LDLRAD3: variants seen among roughly 807,000 people sequenced by gnomAD.
LDLRAD3 encodes the protein low-density lipoprotein receptor class A domain-containing protein 3.
LDLRAD3 carries 20 observed loss-of-function variants against 29.4 expected under a neutral mutation model. The observed-to-expected ratio is 0.68, with a 90% CI of 0.48 to 0.99. The LOEUF is 0.99. LDLRAD3 is among the 50% of genes least tolerant of loss of function. The pLI is 0.00. For missense variants in LDLRAD3, 420 were observed against 454.3 expected, an observed-to-expected ratio of 0.92 and a Z score of 0.69; for synonymous variants, 157 against 192.7, an observed-to-expected ratio of 0.81 and a Z score of 1.53.
rs547806462 is a variant in LDLRAD3 at position 36,017,001 on chromosome 11, A to G, written c.47-19102A>G. 2.6e-5 allele frequency among the ~76,000 whole-genome samples: 4 copies of G among 152,378 alleles called. No homozygotes were observed. The East Asian group carries it at 7.7e-4, about 29-fold the overall frequency. On this transcript the variant is annotated intron_variant, in intron 1 of 5. Transcript: ENST00000315571. ...CTCAACATAAGCTTCATCAAGTTCA[A>G]GGCACTTTGGTAAGCGATGATACCA... is the stretch of plus-strand genomic sequence containing the variant.
chr11:36,055,501 G>A (rs1852605142), intron 2 of LDLRAD3, among the ~76,000 whole-genome samples: 1 of 152,172 alleles, frequency 6.6e-6, no homozygotes, highest in African/African-American at 2.4e-5. Flanking sequence ...CAGCCTCACT[G>A]GCTTCTCCAT....
chr11:36,128,852 G>GAA (rs11347605), intron 4 of LDLRAD3, among the ~76,000 whole-genome samples: 2 of 139,570 alleles, frequency 1.4e-5, no homozygotes, highest in African/African-American at 5.4e-5. Context: ...GTGTCTCAAG[G>GAA]AAAAAAAAAA....
chr11:36,088,041 G>A (rs1006151100), intron 3 of LDLRAD3, among the ~76,000 whole-genome samples: 1 of 151,858 alleles, frequency 6.6e-6, no homozygotes, highest in African/African-American at 2.4e-5. Flanking sequence ...AAAAGGTAGA[G>A]ATGGGGTTTT....
chr11:35,973,165 TGTTTTG>T (rs1193236046), intron 1 of LDLRAD3, among the ~76,000 whole-genome samples: 1 of 151,884 alleles, frequency 6.6e-6, no homozygotes, highest in Non-Finnish European at 1.5e-5. Flanking sequence ...TGTTTTGTTT[TGTTTTG>T]TTTTTTTTGA....
chr11:36,116,321 C>A (rs58583042), intron 4 of LDLRAD3, among the ~76,000 whole-genome samples: 2 of 152,166 alleles, frequency 1.3e-5, no homozygotes, highest in Non-Finnish European at 2.9e-5. Context: ...AAGAAGCCAG[C>A]GTCCCAGCTT....
At chr11:36,012,145 C>A (rs1203101003) in intron 1 of LDLRAD3, among the ~76,000 whole-genome samples, 4 of 152,122 alleles carry the variant, frequency 2.6e-5, no homozygotes, top group African/African-American at 7.2e-5. Flanking sequence ...CATTTCAAGA[C>A]CCCCAGTGGA....
chr11:36,075,929 A>G (rs1371685633), intron 2 of LDLRAD3, among the ~76,000 whole-genome samples: 1 of 152,166 alleles, frequency 6.6e-6, no homozygotes, highest in Non-Finnish European at 1.5e-5. Flanking sequence ...ACATGCCCCC[A>G]TGATATTTGG....
chr11:36,063,425 T>C (rs1852736991), intron 2 of LDLRAD3, among the ~76,000 whole-genome samples: 1 of 152,200 alleles, frequency 6.6e-6, no homozygotes, highest in African/African-American at 2.4e-5. Context: ...TTCCCTCTCT[T>C]AGTCCCTGGG....
chr11:36,051,221 T>C (rs575282429), intron 2 of LDLRAD3, among the ~76,000 whole-genome samples: 1 of 152,036 alleles, frequency 6.6e-6, no homozygotes, highest in South Asian at 2.1e-4. Flanking sequence ...CTATGGCTGG[T>C]GGGAAGGGAG....
intron 1 of LDLRAD3, among the ~76,000 whole-genome samples, chr11:35,952,481 A>G (rs950267782): frequency 1.2e-4 from 18 of 152,334 alleles, no homozygotes; most frequent in African/African-American, 3.8e-4. Context: ...CTGTTCTCCT[A>G]TGTGGAGAAC....
intron 2 of LDLRAD3, among the ~76,000 whole-genome samples, chr11:36,056,346 A>G (rs184761547): frequency 3.9e-5 from 6 of 152,224 alleles, no homozygotes; most frequent in East Asian, 3.9e-4. Flanking sequence ...ACTGTGCCCA[A>G]TGCTCTGCAT....
rs1853468303 is a variant in LDLRAD3 at position 36,102,715 on chromosome 11, C to T, written c.454+4254C>T. Reference sequence around the variant, plus strand: ...CATTGATTGGCAACATAACCCATTTCCAAGAAATAAAGTAATAGCTGTGGA... The same window carrying T: ...CATTGATTGGCAACATAACCCATTTTCAAGAAATAAAGTAATAGCTGTGGA... On this transcript the variant is annotated intron_variant, in intron 4 of 5. Coordinates refer to ENST00000315571, the MANE Select transcript of LDLRAD3 (RefSeq NM_174902.4). Among the ~76,000 whole-genome samples, 2 of 152,118 alleles carry T rather than the reference C, an allele frequency of 1.3e-5. 1 individual carries two copies. Among genetic ancestry groups the T allele is most frequent in the Admixed American group, 1.3e-4 (2 of 15,274 alleles).
intron 1 of LDLRAD3, among the ~76,000 whole-genome samples, chr11:35,985,868 C>G (rs1225357247): frequency 6.6e-6 from 1 of 151,382 alleles, no homozygotes; most frequent in African/African-American, 2.4e-5. Context: ...AATAAATTAC[C>G]CAGTCTCGGG....
chr11:36,132,278 G>C (rs963280404), intron 4 of LDLRAD3, among the ~76,000 whole-genome samples: 1 of 152,170 alleles, frequency 6.6e-6, no homozygotes, highest in African/African-American at 2.4e-5. Flanking sequence ...CAAGTCCACT[G>C]TCTCTTGTTG....
Position 36,227,255 on chromosome 11 carries a change from C to G in LDLRAD3, c.625C>G (p.His209Asp). The change falls in exon 5 of 6, where the codon CAC becomes GAC. Residue 209 changes from histidine (H) to aspartate (D), a missense_variant. Transcript: ENST00000315571. Reference protein sequence around the residue: ...KRNNLMTLPVHRLQHPVLLSR... With the variant: ...KRNNLMTLPVDRLQHPVLLSR... ...GAACAACCTCATGACGCTGCCCGTG[C>G]ACCGGCTGCAGCACCCTGTGCTGCT... The G allele has an allele frequency of 6.2e-7, 1 of 1,614,138 alleles. No individual in the cohort carries two copies. The highest frequency in any genetic ancestry group is 8.5e-7 in the Non-Finnish European group (1 of 1,180,022).
At chr11:35,984,649 G>GTC (rs1851585222) in intron 1 of LDLRAD3, among the ~76,000 whole-genome samples, 2 of 152,148 alleles carry the variant, frequency 1.3e-5, no homozygotes, top group African/African-American at 4.8e-5. Flanking sequence ...GTTTGTTTGT[G>GTC]AGATGGAGTT....
At chr11:36,099,158 G>A (rs896259257) in intron 4 of LDLRAD3, among the ~76,000 whole-genome samples, 2 of 152,104 alleles carry the variant, frequency 1.3e-5, no homozygotes, top group African/African-American at 4.8e-5. Context: ...CTGGGCTATT[G>A]ATTTTGGGGC....
Position 36,025,556 on chromosome 11 carries a change from T to G in LDLRAD3, c.47-10547T>G, listed in dbSNP as rs12577509. Among the ~76,000 whole-genome samples the G allele has an allele frequency of 1.3e-3, 196 of 151,778 alleles. 6 individuals are homozygous for G. In the East Asian group the frequency reaches 0.037, roughly 29 times the overall value. ...GGCGCCCGCCACCACTCCCGGCTAA[T>G]TTTTTGTATTTTTTAGTAGAGACGG... On this transcript the variant is annotated intron_variant, in intron 1 of 5. Transcript: ENST00000315571.
At chr11:35,998,607 T>G (rs1039455044) in intron 1 of LDLRAD3, among the ~76,000 whole-genome samples, 1 of 152,182 alleles carries the variant, frequency 6.6e-6, no homozygotes, top group Admixed American at 6.5e-5. Context: ...TTGGAAAATA[T>G]CCTCTGTGGT....
Sources: gnomAD v4.1 joint callset for allele counts (sites outside exome capture counted in the v4.1 genomes callset) on GRCh38, gnomAD v4.1.1 for gene constraint, MANE v1.5 for transcripts, NCBI Gene and HGNC (gene_info 2026-07-23, HGNC 2026-07-21) for gene names.